The following THADA variants were observed in gnomAD, a reference collection of about 807,000 sequenced individuals.
THADA encodes THADA armadillo repeat containing, also known as tRNA (32-2'-O)-methyltransferase regulator THADA.
Under a neutral mutation model 219.8 loss-of-function variants are expected in THADA, and 213 were observed. The observed-to-expected ratio is 0.97, with a 90% CI of 0.87 to 1.09. THADA has a LOEUF of 1.09. Among genes scored for constraint, THADA ranks in the 50% least tolerant of loss-of-function variants. The pLI is 0.00. For synonymous variants in THADA, 1,018 were observed against 828.9 expected (o/e 1.23, Z -3.92); for missense variants, 2,956 against 2,311.3 (o/e 1.28, Z -5.72).
chr2:43,464,465 G>T (rs1278101467), intron 26 of THADA, among the ~76,000 whole-genome samples: 1 of 152,146 alleles, frequency 6.6e-6, no homozygotes, highest in Non-Finnish European at 1.5e-5. Context: ...GTATTTATGT[G>T]CATCTTTGTT....
At chr2:43,372,047 A>G (rs960783466) in intron 29 of THADA, 3 of 152,108 alleles carry the variant, frequency 2.0e-5, no homozygotes, top group African/African-American at 7.2e-5. Context: ...ATATTCTCCC[A>G]TCTTTGGGCT....
rs1450027100 is a variant in THADA, at chr2:43,590,859, C to T, written c.267G>A (p.Leu89=). Residue 89 remains leucine (L), a synonymous_variant, in exon 4 of 38, where the codon TTG becomes TTA. Coordinates refer to ENST00000405975, the MANE Select transcript of THADA (RefSeq NM_022065.5). The stretch of plus-strand genomic sequence containing the variant: ...CTTTCTTCAAGGGATTCTTTAGACT[C>T]AAAGAAAGATAAATGCCTGCTAAGA... ...LDILAGIYLS[L]SLKNPLKKVL... The T allele has an allele frequency of 3.1e-6, 5 of 1,613,602 alleles. No homozygotes were observed. The South Asian group carries it at 5.5e-5, about 18-fold the overall frequency.
chr2:43,281,502 G>T (rs1387628984), intron 35 of THADA, among the ~76,000 whole-genome samples: 7 of 149,526 alleles, frequency 4.7e-5, no homozygotes, highest in Non-Finnish European at 4.5e-5. Context: ...AGTGCAATGG[G>T]GCAATCTTGG....
chr2:43,373,481 C>G (rs1481171479), intron 29 of THADA, among the ~76,000 whole-genome samples: 1 of 146,976 alleles, frequency 6.8e-6, no homozygotes, highest in African/African-American at 2.5e-5. Flanking sequence ...CAGTTGTTAA[C>G]TTTTTTTTTT....
At chr2:43,253,970 C>A (rs141899457) in intron 36 of THADA, among the ~76,000 whole-genome samples, 1 of 152,188 alleles carries the variant, frequency 6.6e-6, no homozygotes, top group Non-Finnish European at 1.5e-5. Flanking sequence ...CCCAGTCTCC[C>A]TCTGGAGACC....
chr2:43,306,839 T>C (rs1676922871), intron 31 of THADA, among the ~76,000 whole-genome samples: 2 of 152,234 alleles, frequency 1.3e-5, no homozygotes, highest in South Asian at 4.1e-4. Context: ...ACCCTGGATG[T>C]GATGGCCATT....
intron 26 of THADA, among the ~76,000 whole-genome samples, chr2:43,448,116 G>A (rs769048776): frequency 2.6e-5 from 4 of 152,166 alleles, no homozygotes; most frequent in Non-Finnish European, 5.9e-5. Context: ...AACAAAACCA[G>A]TGAAAGAATT....
intron 28 of THADA, among the ~76,000 whole-genome samples, chr2:43,425,285 G>A (rs571704427): frequency 2.0e-5 from 3 of 152,086 alleles, no homozygotes; most frequent in East Asian, 1.9e-4. Context: ...GCAGAAAGAC[G>A]GGGCTCAACA....
chr2:43,456,264 G>A (rs1302714831), intron 26 of THADA, among the ~76,000 whole-genome samples: 1 of 152,092 alleles, frequency 6.6e-6, no homozygotes, highest in East Asian at 1.9e-4. Flanking sequence ...CATAAACTAA[G>A]GCAGTTCAAA....
At chr2:43,297,067 C>T (rs1340285824) in intron 31 of THADA, among the ~76,000 whole-genome samples, 1 of 106,120 alleles carries the variant, frequency 9.4e-6, no homozygotes, top group Non-Finnish European at 1.9e-5. Context: ...CGTCTCCGCC[C>T]GGCCGCCATC....
intron 28 of THADA, among the ~76,000 whole-genome samples, chr2:43,421,601 T>A (rs1186065418): frequency 6.6e-6 from 1 of 152,204 alleles, no homozygotes; most frequent in African/African-American, 2.4e-5. Flanking sequence ...TAGAAAAGCA[T>A]CTCTGACTTC....
intron 26 of THADA, among the ~76,000 whole-genome samples, chr2:43,476,346 C>T (rs1685545486): frequency 6.6e-6 from 1 of 152,140 alleles, no homozygotes; most frequent in Non-Finnish European, 1.5e-5. Flanking sequence ...ATCTTGCAAC[C>T]ATGAAGGAAG....
intron 17 of THADA, among the ~76,000 whole-genome samples, chr2:43,554,401 T>C (rs1009033534): frequency 1.3e-5 from 2 of 152,152 alleles, no homozygotes. Context: ...TTCTAAATAT[T>C]AGATTTGGTA....
At chr2:43,513,938 T>C (rs999507741) in intron 22 of THADA, among the ~76,000 whole-genome samples, 5 of 151,794 alleles carry the variant, frequency 3.3e-5, no homozygotes, top group Non-Finnish European at 7.4e-5. Flanking sequence ...CTCACATCTG[T>C]AGTCTCAGCA....
At chr2:43,561,263 G>C (rs1387725454) in intron 15 of THADA, among the ~76,000 whole-genome samples, 1 of 152,152 alleles carries the variant, frequency 6.6e-6, no homozygotes, top group African/African-American at 2.4e-5. Flanking sequence ...AATCCTCAGG[G>C]AATGAAGGTG....
chr2:43,541,290 T>C lies in THADA; in HGVS notation c.3133A>G (p.Thr1045Ala). 6.2e-7 allele frequency: 1 copy of C among 1,613,422 alleles called. No homozygotes were observed. Among genetic ancestry groups the C allele is most frequent in the Non-Finnish European group, 8.5e-7 (1 of 1,179,622 alleles). The stretch of plus-strand genomic sequence containing the variant: ...CAACATACCAGCACCATCTGCGCAG[T>C]TACATCACATGTTTTTACTTCTTTA... ...KGKEVKTCDV[T>A]AQMVLVCCWR... Residue 1045 changes from threonine (T) to alanine (A), a missense_variant, in exon 21 of 38, where the codon ACT becomes GCT. Coordinates refer to ENST00000405975, the MANE Select transcript of THADA (RefSeq NM_022065.5).
At chr2:43,349,569 T>C (rs1228004492) in intron 29 of THADA, among the ~76,000 whole-genome samples, 1 of 152,182 alleles carries the variant, frequency 6.6e-6, no homozygotes, top group Non-Finnish European at 1.5e-5. Flanking sequence ...TGGGTTTTCC[T>C]CTTCACCAAG....
At chr2:43,546,743 T>C (rs1696080529) in intron 20 of THADA, among the ~76,000 whole-genome samples, 2 of 152,070 alleles carry the variant, frequency 1.3e-5, no homozygotes, top group African/African-American at 4.8e-5. Context: ...CTCCATCCTT[T>C]TATTTTGAGC....
At chr2:43,546,124 G>C (rs902380502) in intron 20 of THADA, among the ~76,000 whole-genome samples, 3 of 150,676 alleles carry the variant, frequency 2.0e-5, no homozygotes, top group African/African-American at 7.4e-5. Context: ...CCTTCATTTC[G>C]TTATGTACCC....
Sources: allele counts gnomAD v4.1 joint callset (sites outside exome capture counted in the v4.1 genomes callset), GRCh38; gene constraint gnomAD v4.1.1; transcripts MANE v1.5; gene names NCBI Gene and HGNC (gene_info 2026-07-23, HGNC 2026-07-21).